DLGAP4: variants seen among roughly 807,000 people sequenced by gnomAD.
DLGAP4 encodes the protein DLG associated protein 4.
DLGAP4 carries 18 observed loss-of-function variants against 86.9 expected under a neutral mutation model. The observed-to-expected ratio is 0.21, with a 90% CI of 0.14 to 0.31. DLGAP4 has a LOEUF of 0.31. Ranked by LOEUF, DLGAP4 falls within the 10% of genes least tolerant of loss-of-function variation. The probability of loss-of-function intolerance (pLI) is 1.00; values close to 1 mark genes in which losing one functional copy is unlikely to be tolerated. For missense variants in DLGAP4, 1,085 were observed against 1,362.6 expected, an observed-to-expected ratio of 0.80 and a Z score of 3.21; for synonymous variants, 548 against 574.3, an observed-to-expected ratio of 0.95 and a Z score of 0.65.
chr20:36,465,828 AGTT>A (rs1209931071), intron 7 of DLGAP4, among the ~76,000 whole-genome samples: 1 of 152,026 alleles, frequency 6.6e-6, no homozygotes, highest in Non-Finnish European at 1.5e-5. Flanking sequence ...CACTTTGAGA[AGTT>A]GTTGCCTGTC....
At position 36,446,778 on chromosome 20, in the gene DLGAP4, A is replaced by G; in HGVS notation, c.1489A>G (p.Thr497Ala). Reference protein sequence around the residue: ...CSEAESTAAETLDLPLPSYFR... With the variant: ...CSEAESTAAEALDLPLPSYFR... The stretch of plus-strand genomic sequence containing the variant: ...TGAAGCGGAGTCCACAGCGGCAGAG[A>G]CGCTTGACTTGCCACTGCCCAGCTA... The change falls in exon 7 of 13, where the codon ACG becomes GCG. Residue 497 changes from threonine (T) to alanine (A), a missense_variant. Physicochemically the swap from Thr to Ala is moderately conservative, Grantham distance 58. Coordinates refer to ENST00000339266, the MANE Select transcript of DLGAP4 (RefSeq NM_001365621.2). 1 of 1,612,840 alleles carries G rather than the reference A, an allele frequency of 6.2e-7. No homozygotes were observed. The highest frequency in any genetic ancestry group is 8.5e-7 in the Non-Finnish European group (1 of 1,179,824).
chr20:36,329,491 G>A (rs2065247002), intron 1 of DLGAP4, among the ~76,000 whole-genome samples: 1 of 152,220 alleles, frequency 6.6e-6, no homozygotes, highest in South Asian at 2.1e-4. Context: ...CGCAAACCTT[G>A]TGCCCCTGGG....
At chr20:36,401,776 C>T (rs1018404058) in intron 2 of DLGAP4, among the ~76,000 whole-genome samples, 5 of 152,158 alleles carry the variant, frequency 3.3e-5, no homozygotes, top group African/African-American at 7.2e-5. Context: ...GCTGCTGTGA[C>T]AGAGAAAAAG....
chr20:36,500,463 C>T lies in DLGAP4; in HGVS notation c.2364C>T (p.Ser788=), dbSNP rs768711842. Reference sequence around the variant, plus strand: ...CCGACCCCTGGCTCGAGACCTCCTCCAGCTCCCCAGCAGAGCCGGCACAGC... The same window carrying T: ...CCGACCCCTGGCTCGAGACCTCCTCTAGCTCCCCAGCAGAGCCGGCACAGC... ...PPPDPWLETS[S]SSPAEPAQPG... The change falls in exon 10 of 13, where the codon TCC becomes TCT. Residue 788 remains serine, a synonymous_variant. Coordinates refer to ENST00000339266, the MANE Select transcript of DLGAP4 (RefSeq NM_001365621.2). The surrounding 1 kb of genome is among the most constrained non-coding windows in gnomAD (Gnocchi z 4.6). 1.7e-5 allele frequency: 27 copies of T among 1,589,138 alleles called. No homozygotes were observed. Among genetic ancestry groups the T allele is most frequent in the Non-Finnish European group, 2.1e-5 (25 of 1,166,640 alleles).
rs200706491 is a variant in DLGAP4, at chr20:36,432,063, C to T, written c.346C>T (p.Arg116Cys). ...DQFEKQLPIHRDGFSTLQFPR... is the reference protein window; with the variant it reads ...DQFEKQLPIHCDGFSTLQFPR... The stretch of plus-strand genomic sequence containing the variant: ...GTTTGAGAAGCAGCTGCCCATCCAC[C>T]GTGATGGCTTCAGCACCCTCCAATT... The change falls in exon 3 of 13, where the codon CGT becomes TGT. Residue 116 changes from arginine to cysteine, a missense_variant. By Grantham distance (180) the Arg-to-Cys change is radical. Transcript: ENST00000339266. This position sits in a 1 kb window ranked among gnomAD's most constrained non-coding sequence, Gnocchi z 6.5. The T allele has an allele frequency of 5.3e-5, 85 of 1,614,170 alleles. No individual in the cohort carries two copies. The highest frequency in any genetic ancestry group is 6.3e-5 in the Non-Finnish European group (74 of 1,180,046).
At chr20:36,499,713 T>TCCTCTCCCTCCCTCCGCTCTCA (rs1451388992) in intron 9 of DLGAP4, 37 bp downstream of exon 9, 3 of 1,545,550 alleles carry the variant, frequency 1.9e-6, no homozygotes, top group East Asian at 4.5e-5. Context: ...TTCTCCCCTC[T>TCCTCTCCCTCCCTCCGCTCTCA]CCTCTCCCTC....
intron 1 of DLGAP4, among the ~76,000 whole-genome samples, chr20:36,320,949 C>A (rs1284559227): frequency 6.6e-6 from 1 of 152,236 alleles, no homozygotes; most frequent in Non-Finnish European, 1.5e-5. Context: ...AGCACTTTGT[C>A]CCCTGTGTAG....
At chr20:36,434,704 C>T (rs1017512445) in intron 3 of DLGAP4, among the ~76,000 whole-genome samples, 2 of 152,090 alleles carry the variant, frequency 1.3e-5, no homozygotes, top group Non-Finnish European at 2.9e-5. Flanking sequence ...GGGCAGTCTG[C>T]TGAGGGTTTA....
At chr20:36,452,826 CTTTTTTTTTTTT>C (rs1233444372) in intron 7 of DLGAP4, among the ~76,000 whole-genome samples, 2 of 90,782 alleles carry the variant, frequency 2.2e-5, no homozygotes, top group African/African-American at 9.2e-5. Context: ...TTGTGTAAGT[CTTTTTTTTTTTT>C]TTTTTTTTTT....
chr20:36,436,494 A>G lies in DLGAP4; in HGVS notation c.1241+144A>G, dbSNP rs1054844598. 54 of 1,354,922 alleles carry G rather than the reference A, an allele frequency of 4.0e-5. No individual in the cohort carries two copies. The African/African-American group carries it at 7.6e-4, about 19-fold the overall frequency. The allele number at this position is 1,354,922 out of a possible 1,614,324, so 83.9% of individuals were successfully genotyped here. A position where few individuals can be genotyped will look rare whatever the true frequency, so the allele number is the denominator to read the frequency against. On this transcript the variant is annotated intron_variant, in intron 4 of 12. Coordinates refer to ENST00000339266, the MANE Select transcript of DLGAP4 (RefSeq NM_001365621.2). ...CCCCTTTGAGCCACGCCCACTCATG[A>G]GTCCTGCTTCTTGAGAGAACCCCTT...
At chr20:36,328,618 G>C (rs181643980) in intron 1 of DLGAP4, among the ~76,000 whole-genome samples, 1 of 151,840 alleles carries the variant, frequency 6.6e-6, no homozygotes, top group Non-Finnish European at 1.5e-5. Flanking sequence ...AGTTTGGGGG[G>C]TTTTATTGTT....
chr20:36,358,342 C>T (rs779819366), intron 1 of DLGAP4, among the ~76,000 whole-genome samples: 1 of 152,196 alleles, frequency 6.6e-6, no homozygotes, highest in Non-Finnish European at 1.5e-5. Flanking sequence ...CTCACTCTTA[C>T]GCTACTCTGT....
At position 36,527,140 on chromosome 20, in the gene DLGAP4, C is replaced by G; in HGVS notation, c.*109C>G. ...TGCTATGGTTATTCTGTCTAGAGAC[C>G]CTGAGCCAACTTTCAAATTGACGCA... is the stretch of plus-strand genomic sequence containing the variant. On this transcript the variant is annotated 3_prime_UTR_variant, in exon 13 of 13. Transcript: ENST00000339266. The G allele has an allele frequency of 8.4e-7, 1 of 1,194,226 alleles. No individual in the cohort carries two copies. Among genetic ancestry groups the G allele is most frequent in the Non-Finnish European group, 1.1e-6 (1 of 883,866 alleles). 74.0% of individuals were successfully genotyped at this position (1,194,226 alleles called of 1,614,324 possible).
chr20:36,367,582 C>T (rs138562512), intron 2 of DLGAP4, among the ~76,000 whole-genome samples: 10 of 152,322 alleles, frequency 6.6e-5, no homozygotes, highest in African/African-American at 2.4e-4. Flanking sequence ...GCTCTTGCCA[C>T]ACCCAAGCAG....
At chr20:36,406,971 G>T (rs1425369912) in intron 2 of DLGAP4, among the ~76,000 whole-genome samples, 1 of 152,168 alleles carries the variant, frequency 6.6e-6, no homozygotes, top group Non-Finnish European at 1.5e-5. Flanking sequence ...TAAAGTAGGG[G>T]TGTAGGGGAC....
At chr20:36,312,410 G>A (rs1000807308) in intron 1 of DLGAP4, among the ~76,000 whole-genome samples, 2 of 152,032 alleles carry the variant, frequency 1.3e-5, no homozygotes, top group South Asian at 2.1e-4. Context: ...CAGTGCAGCC[G>A]CCCCCCGGCT....
intron 1 of DLGAP4, among the ~76,000 whole-genome samples, chr20:36,342,520 G>A (rs1555892590): frequency 2.0e-5 from 3 of 152,220 alleles, no homozygotes. Flanking sequence ...CAATGCTGAT[G>A]AATGCCTGGG....
intron 7 of DLGAP4, among the ~76,000 whole-genome samples, chr20:36,468,623 C>T (rs545781790): frequency 4.6e-5 from 7 of 152,390 alleles, no homozygotes; most frequent in African/African-American, 1.7e-4. Flanking sequence ...AGGTGCCCCT[C>T]ACCCTGCTGG....
intron 2 of DLGAP4, among the ~76,000 whole-genome samples, chr20:36,425,405 C>A (rs148314743): frequency 1.3e-5 from 2 of 152,090 alleles, no homozygotes; most frequent in African/African-American, 4.8e-5. Flanking sequence ...ACTAGGATGA[C>A]TATAATTTTT....
Sources: allele counts gnomAD v4.1 joint callset (sites outside exome capture counted in the v4.1 genomes callset), GRCh38; gene constraint gnomAD v4.1.1; non-coding constraint Gnocchi (gnomAD v3.1); transcripts MANE v1.5; gene names NCBI Gene and HGNC (gene_info 2026-07-23, HGNC 2026-07-21).